Variants in DEPTOR observed in about 807,000 individuals in gnomAD.
DEPTOR encodes the protein DEP domain containing MTOR interacting protein.
DEPTOR carries 41 observed loss-of-function variants against 41.6 expected under a neutral mutation model. The ratio of observed to expected loss-of-function variants is 0.98; its 90% CI spans 0.77 to 1.28. DEPTOR has a LOEUF of 1.28. DEPTOR is among the 50% of genes most tolerant of loss of function. DEPTOR has a pLI of 0.00. For missense variants in DEPTOR, 514 were observed against 527.9 expected (o/e 0.97, Z 0.26); for synonymous variants, 195 against 192.3 (o/e 1.01, Z -0.12).
Position 119,988,169 on chromosome 8 carries a change from C to T in DEPTOR, c.605-13356C>T, listed in dbSNP as rs529347932. On this transcript the variant is annotated intron_variant, in intron 4 of 8. Coordinates refer to ENST00000286234, the MANE Select transcript of DEPTOR (RefSeq NM_022783.4). ...GCACCCGAGGGAATCTCCTGGTCTGCGGGTTGTGAAGACTGTGGGAAAAGC... is the reference window on the plus strand; with the variant it reads ...GCACCCGAGGGAATCTCCTGGTCTGTGGGTTGTGAAGACTGTGGGAAAAGC... 1.2e-4 allele frequency among the ~76,000 whole-genome samples: 18 copies of T among 152,250 alleles called. No homozygotes were observed. In the South Asian group the frequency reaches 2.3e-3, roughly 19 times the overall value.
At chr8:119,907,760 CAGAG>C (rs1420609696) in intron 1 of DEPTOR, among the ~76,000 whole-genome samples, 1 of 149,868 alleles carries the variant, frequency 6.7e-6, no homozygotes, top group Non-Finnish European at 1.5e-5. Context: ...GGCCTGGCAA[CAGAG>C]AGAGACTCTG....
At chr8:120,003,762 A>G (rs1812391843) in intron 6 of DEPTOR, among the ~76,000 whole-genome samples, 1 of 152,218 alleles carries the variant, frequency 6.6e-6, no homozygotes, top group African/African-American at 2.4e-5. Flanking sequence ...TATTCCAGGA[A>G]AAAAATCTAG....
intron 1 of DEPTOR, among the ~76,000 whole-genome samples, chr8:119,900,353 A>AG (rs1456497026): frequency 6.5e-5 from 4 of 61,936 alleles, no homozygotes; most frequent in South Asian, 5.2e-4. Context: ...AAAAAAAAAA[A>AG]CTAAATGTCT....
chr8:119,937,068 T>A (rs1828122484), intron 3 of DEPTOR, among the ~76,000 whole-genome samples: 1 of 151,796 alleles, frequency 6.6e-6, no homozygotes, highest in African/African-American at 2.4e-5. Context: ...TAAAAAGAAA[T>A]GTTTCTTAAA....
At chr8:119,907,954 C>T (rs1399387581) in intron 1 of DEPTOR, among the ~76,000 whole-genome samples, 1 of 152,126 alleles carries the variant, frequency 6.6e-6, no homozygotes, top group African/African-American at 2.4e-5. Context: ...ATTAGCACAA[C>T]TGAATTTATG....
intron 1 of DEPTOR, among the ~76,000 whole-genome samples, chr8:119,926,915 G>A (rs1181123113): frequency 1.5e-4 from 23 of 152,026 alleles, no homozygotes; most frequent in Admixed American, 1.5e-3. Flanking sequence ...AAGCACATAA[G>A]ATAGCCTTTG....
At chr8:120,028,804 G>C (rs1006293548) in intron 8 of DEPTOR, among the ~76,000 whole-genome samples, 3 of 151,632 alleles carry the variant, frequency 2.0e-5, no homozygotes, top group African/African-American at 7.3e-5. Flanking sequence ...AAGTATTGCA[G>C]CCGGGCACAG....
intron 1 of DEPTOR, among the ~76,000 whole-genome samples, chr8:119,922,083 C>A (rs1827903518): frequency 6.6e-6 from 1 of 151,668 alleles, no homozygotes; most frequent in Non-Finnish European, 1.5e-5. Flanking sequence ...CCTAAAAATA[C>A]AAAAAATTAG....
chr8:120,010,304 T>C (rs542173607), intron 8 of DEPTOR, among the ~76,000 whole-genome samples: 97 of 149,636 alleles, frequency 6.5e-4, no homozygotes, highest in African/African-American at 2.4e-3. Context: ...CTGTTACATA[T>C]TTTTTAGTAC....
At chr8:119,995,601 A>ACC (rs1812248623) in intron 4 of DEPTOR, among the ~76,000 whole-genome samples, 1 of 151,934 alleles carries the variant, frequency 6.6e-6, no homozygotes, top group Non-Finnish European at 1.5e-5. Flanking sequence ...AAAAAAAAAA[A>ACC]AGAAAAGAAA....
intron 4 of DEPTOR, among the ~76,000 whole-genome samples, chr8:119,998,349 G>A (rs759900392): frequency 6.6e-6 from 1 of 152,216 alleles, no homozygotes; most frequent in Non-Finnish European, 1.5e-5. Context: ...GCCTCCCAAA[G>A]TGCTGGAATT....
intron 1 of DEPTOR, among the ~76,000 whole-genome samples, chr8:119,902,522 A>G (rs1827608229): frequency 6.6e-6 from 1 of 152,106 alleles, no homozygotes; most frequent in Non-Finnish European, 1.5e-5. Context: ...TATTTTTAGT[A>G]GAGATGGCGT....
intron 4 of DEPTOR, among the ~76,000 whole-genome samples, chr8:119,965,855 T>TGAA (rs1398461566): frequency 3.9e-5 from 6 of 152,140 alleles, no homozygotes; most frequent in African/African-American, 1.4e-4. Flanking sequence ...GCTGCCACAG[T>TGAA]GAAGAGTTAA....
At chr8:120,015,023 T>C (rs1251164600) in intron 8 of DEPTOR, among the ~76,000 whole-genome samples, 1 of 152,192 alleles carries the variant, frequency 6.6e-6, no homozygotes, top group East Asian at 1.9e-4. Flanking sequence ...GGAGAATTTT[T>C]ACATTTCCGT....
At chr8:119,909,265 G>T (rs1827706459) in intron 1 of DEPTOR, among the ~76,000 whole-genome samples, 1 of 152,174 alleles carries the variant, frequency 6.6e-6, no homozygotes, top group Non-Finnish European at 1.5e-5. Context: ...TTTAGTTCTT[G>T]CCAAGTGCCA....
chr8:120,049,859 A>G lies in DEPTOR; in HGVS notation c.*155A>G. The G allele has an allele frequency of 3.7e-6, 3 of 812,630 alleles. No homozygotes were observed. The highest frequency in any genetic ancestry group is 5.2e-6 in the Non-Finnish European group (3 of 574,770). 50.3% of individuals were successfully genotyped at this position (812,630 alleles called of 1,614,324 possible). ...GTCTAAAGTTGAGTTTTATACACTG[A>G]ATGTGGAAGAACCGGGTATCATATC... is the stretch of plus-strand genomic sequence containing the variant. On this transcript the variant is annotated 3_prime_UTR_variant, in exon 9 of 9. Coordinates refer to ENST00000286234, the MANE Select transcript of DEPTOR (RefSeq NM_022783.4).
intron 7 of DEPTOR, 29 bp downstream of exon 7, chr8:120,006,904 C>T (rs757662662): frequency 3.1e-5 from 50 of 1,611,330 alleles, no homozygotes; most frequent in East Asian, 8.9e-5. Flanking sequence ...CTTTTTCTCC[C>T]GTGCTGCCCA....
chr8:119,946,746 TA>T (rs796481285), intron 3 of DEPTOR, among the ~76,000 whole-genome samples: 29 of 148,620 alleles, frequency 2.0e-4, no homozygotes, highest in Admixed American at 1.3e-3. Context: ...AAAAATAAAA[TA>T]AAAAAAAAAG....
At position 120,001,630 on chromosome 8, in the gene DEPTOR, C is replaced by G. The variant is rs748013390; in HGVS notation, c.710C>G (p.Ser237Cys). The part of the protein sequence containing the change: ...LMELLNEKSP[S>C]SQETHDSPFC... Reference sequence around the variant, plus strand: ...GAGCTGCTCAATGAAAAGTCCCCCTCCTCCCAGGAAACTCATGACAGTCCC... The same window carrying G: ...GAGCTGCTCAATGAAAAGTCCCCCTGCTCCCAGGAAACTCATGACAGTCCC... Residue 237 changes from serine (S) to cysteine (C), a missense_variant, in exon 5 of 9, where the codon TCC becomes TGC. Transcript: ENST00000286234. 6.2e-7 allele frequency: 1 copy of G among 1,614,082 alleles called. No individual in the cohort carries two copies. Among genetic ancestry groups the G allele is most frequent in the South Asian group, 1.1e-5 (1 of 91,058 alleles).
Sources: allele counts gnomAD v4.1 joint callset (sites outside exome capture counted in the v4.1 genomes callset), GRCh38; gene constraint gnomAD v4.1.1; transcripts MANE v1.5; gene names NCBI Gene and HGNC (gene_info 2026-07-23, HGNC 2026-07-21).